NKAIN1: variants seen among roughly 807,000 people sequenced by gnomAD.
NKAIN1 encodes the protein sodium/potassium transporting ATPase interacting 1, also known as sodium/potassium-transporting ATPase subunit beta-1-interacting protein 1.
A neutral mutation model predicts 31.6 loss-of-function variants in NKAIN1; 13 were observed. That is an observed-to-expected ratio of 0.41 (90% confidence interval 0.27 to 0.65). The LOEUF (loss-of-function observed/expected upper bound fraction) is 0.65. Among genes scored for constraint, NKAIN1 ranks in the 30% least tolerant of loss-of-function variants. NKAIN1 has a pLI of 0.30. For missense variants in NKAIN1, 193 were observed against 262.2 expected (o/e 0.74, Z 1.82); for synonymous variants, 104 against 109.0 (o/e 0.95, Z 0.28).
In NKAIN1 at chr1:31,188,108, A is replaced by C; in HGVS notation, c.134T>G (p.Met45Arg). Residue 45 changes from methionine (M) to arginine (R), a missense_variant, in exon 2 of 7, where the codon ATG becomes AGG. Transcript: ENST00000373736. Reference protein sequence around the residue: ...APILANFLHIMAVILGIFGTV... With the variant: ...APILANFLHIRAVILGIFGTV... ...GCCAAAGATGCCCAGGATGACTGCC[A>C]TGATGTGCAGGAAGTTGGCTAGGAT... The C allele has an allele frequency of 6.4e-7, 1 of 1,553,238 alleles. No individual in the cohort carries two copies. The highest frequency in any genetic ancestry group is 8.7e-7 in the Non-Finnish European group (1 of 1,147,878).
rs144525993 is a variant in NKAIN1 at position 31,213,079 on chromosome 1, G to T, written c.55-24892C>A. Among the ~76,000 whole-genome samples the T allele has an allele frequency of 7.6e-3, 1,123 of 148,084 alleles. 19 individuals are homozygous for T. Among genetic ancestry groups the T allele is most frequent in the African/African-American group, 0.023 (910 of 40,312 alleles). On this transcript the variant is annotated intron_variant, in intron 1 of 6. Coordinates refer to ENST00000373736, the MANE Select transcript of NKAIN1 (RefSeq NM_024522.3). ...TTTGAAAAACATTAGTATATCAAAG[G>T]GTACTATCAAGAAAGTGAAAATTTG...
chr1:31,216,533 A>G (rs1221124229), intron 1 of NKAIN1, among the ~76,000 whole-genome samples: 2 of 152,126 alleles, frequency 1.3e-5, no homozygotes, highest in Non-Finnish European at 2.9e-5. Flanking sequence ...CTGAGGTCAT[A>G]TGGCAGATTA....
intron 1 of NKAIN1, among the ~76,000 whole-genome samples, chr1:31,195,158 C>T (rs1260722567): frequency 4.0e-4 from 58 of 144,380 alleles, no homozygotes; most frequent in Non-Finnish European, 6.7e-4. Flanking sequence ...CGCTCTGTTG[C>T]CCAGGCTGGA....
intron 1 of NKAIN1, among the ~76,000 whole-genome samples, chr1:31,196,661 A>G (rs893951224): frequency 6.6e-6 from 1 of 151,986 alleles, no homozygotes; most frequent in Non-Finnish European, 1.5e-5. Flanking sequence ...ACACCACTGC[A>G]CTCCAGCCTG....
chr1:31,216,952 G>A (rs1044766121), intron 1 of NKAIN1, among the ~76,000 whole-genome samples: 2 of 151,974 alleles, frequency 1.3e-5, no homozygotes, highest in Non-Finnish European at 2.9e-5. Context: ...TGCAAACTCC[G>A]CCTCCCGCAT....
chr1:31,235,297 G>A (rs1164149587), intron 1 of NKAIN1, among the ~76,000 whole-genome samples: 4 of 152,034 alleles, frequency 2.6e-5, no homozygotes, highest in Admixed American at 6.6e-5. Context: ...GAAAAGGCAC[G>A]GGATTAAAAA....
At chr1:31,225,033 C>CTTTTTTTTTTTTTT (rs1553163963) in intron 1 of NKAIN1, among the ~76,000 whole-genome samples, 9 of 112,110 alleles carry the variant, frequency 8.0e-5, no homozygotes, top group South Asian at 3.0e-4. Flanking sequence ...CTTTTCTTTT[C>CTTTTTTTTTTTTTT]TTTTTTTTTT....
intron 1 of NKAIN1, among the ~76,000 whole-genome samples, chr1:31,230,884 T>A (rs866749438): frequency 0.013 from 1,972 of 146,562 alleles, 29 homozygotes; most frequent in African/African-American, 0.046. Context: ...GGTTATTTTT[T>A]TTTTTTTTTT....
At chr1:31,192,067 C>T (rs551222924) in intron 1 of NKAIN1, among the ~76,000 whole-genome samples, 139 of 152,238 alleles carry the variant, frequency 9.1e-4, no homozygotes, top group African/African-American at 2.7e-3. Flanking sequence ...TAAGCCACTG[C>T]GCTGGGCCTC....
rs1331634842 is a variant in NKAIN1 at position 31,181,319 on chromosome 1, A to G, written c.*384T>C. The G allele has an allele frequency of 1.4e-5, 3 of 208,600 alleles. No individual in the cohort carries two copies. Among genetic ancestry groups the G allele is most frequent in the African/African-American group, 4.6e-5 (2 of 43,408 alleles). 12.9% of individuals were successfully genotyped at this position (208,600 alleles called of 1,614,324 possible). On this transcript the variant is annotated 3_prime_UTR_variant, in exon 7 of 7. Transcript: ENST00000373736. The stretch of plus-strand genomic sequence containing the variant: ...TGGTGAGTGAGTGTGGTGGGATGGG[A>G]TGGGTCTGATGTCCTGCTGTTTTTG...
At chr1:31,203,581 G>C (rs749033187) in intron 1 of NKAIN1, among the ~76,000 whole-genome samples, 60 of 128,116 alleles carry the variant, frequency 4.7e-4, no homozygotes, top group Non-Finnish European at 8.5e-4. Flanking sequence ...TTTACATCGA[G>C]GAGTAATTTT....
At chr1:31,187,940 A>C (rs1340635666) in intron 2 of NKAIN1, 110 bp downstream of exon 2, 5 of 1,195,330 alleles carry the variant, frequency 4.2e-6, no homozygotes, top group Non-Finnish European at 5.8e-6. Flanking sequence ...TGGAGCCAAG[A>C]CCAGTGCCCC....
chr1:31,187,996 G>A, intron 2 of NKAIN1, 54 bp downstream of exon 2: 1 of 1,517,552 alleles, frequency 6.6e-7, no homozygotes. Flanking sequence ...GAGGGGTGGA[G>A]TGGGCAGGGG....
chr1:31,226,204 C>T (rs1042533936), intron 1 of NKAIN1, among the ~76,000 whole-genome samples: 5 of 152,190 alleles, frequency 3.3e-5, no homozygotes, highest in Non-Finnish European at 1.5e-5. Flanking sequence ...CCCAGCATCC[C>T]GCGTTAAGCG....
chr1:31,203,994 A>C (rs950378270), intron 1 of NKAIN1, among the ~76,000 whole-genome samples: 1 of 152,156 alleles, frequency 6.6e-6, no homozygotes, highest in Non-Finnish European at 1.5e-5. Context: ...CCCTGAGCTG[A>C]GGATGACCAA....
At chr1:31,206,023 C>G (rs1245832459) in intron 1 of NKAIN1, among the ~76,000 whole-genome samples, 1 of 150,398 alleles carries the variant, frequency 6.6e-6, no homozygotes, top group African/African-American at 2.4e-5. Context: ...CACCTGAGGT[C>G]AGGAGTTCGA....
rs775026620 is a variant in NKAIN1, at chr1:31,182,535, T to C, written c.527A>G (p.Asp176Gly). 1 of 1,613,850 alleles carries C rather than the reference T, an allele frequency of 6.2e-7. No individual in the cohort carries two copies. Among genetic ancestry groups the C allele is most frequent in the Non-Finnish European group, 8.5e-7 (1 of 1,179,856 alleles). The change falls in exon 5 of 7, where the codon GAC (aspartate) becomes GGC (glycine). Residue 176 changes from aspartate (D) to glycine (G), a missense_variant. Coordinates refer to ENST00000373736, the MANE Select transcript of NKAIN1 (RefSeq NM_024522.3). ...YVSKVFLEEE[D>G]SFDFIGGFDS... ...CCCAGGGGCGCCTTACTCACAGCTGTCCTCCTCCTCCAGGAACACTTTGCT... is the reference window on the plus strand; with the variant it reads ...CCCAGGGGCGCCTTACTCACAGCTGCCCTCCTCCTCCAGGAACACTTTGCT...
rs1360465056 is a variant in NKAIN1 at position 31,181,549 on chromosome 1, G to A, written c.*154C>T. ...AATCCAAGTCCAAGTCCAAGTCCAC[G>A]TCCAAGTCCGCATCTCCAGATGCAG... On this transcript the variant is annotated 3_prime_UTR_variant, in exon 7 of 7. Coordinates refer to ENST00000373736, the MANE Select transcript of NKAIN1 (RefSeq NM_024522.3). 45 of 624,476 alleles carry A rather than the reference G, an allele frequency of 7.2e-5. No homozygotes were observed. Among genetic ancestry groups the A allele is most frequent in the Non-Finnish European group, 1.0e-4 (42 of 417,412 alleles). The allele number at this position is 624,476 out of a possible 1,614,324, so 38.7% of individuals were successfully genotyped here.
rs1031179235 is a variant in NKAIN1 at position 31,233,095 on chromosome 1, C to T, written c.54+6399G>A. Among the ~76,000 whole-genome samples the T allele has an allele frequency of 6.6e-6, 1 of 152,110 alleles. No homozygotes were observed. The highest frequency in any genetic ancestry group is 1.5e-5 in the Non-Finnish European group (1 of 68,016). ...TCCCGAGTAGCTGAAATTACAGGTG[C>T]CCACCACCACGCTCGGCTAATTTTT... On this transcript the variant is annotated intron_variant, in intron 1 of 6. Transcript: ENST00000373736. The surrounding 1 kb of genome is among the most constrained non-coding windows in gnomAD (Gnocchi z 4.0).
Sources: allele counts gnomAD v4.1 joint callset (sites outside exome capture counted in the v4.1 genomes callset), GRCh38; gene constraint gnomAD v4.1.1; non-coding constraint Gnocchi (gnomAD v3.1); transcripts MANE v1.5; gene names NCBI Gene and HGNC (gene_info 2026-07-23, HGNC 2026-07-21).